The following KIAA1549 variants were observed in gnomAD, a reference collection of about 807,000 sequenced individuals.
KIAA1549 encodes UPF0606 protein KIAA1549.
A neutral mutation model predicts 156.4 loss-of-function variants in KIAA1549; 70 were observed. The observed-to-expected ratio is 0.45, with a 90% CI of 0.37 to 0.55. The LOEUF (loss-of-function observed/expected upper bound fraction) is 0.55. KIAA1549 is among the 20% of genes least tolerant of loss of function. The pLI, the probability that KIAA1549 is intolerant of heterozygous loss-of-function variation, is 0.00. For missense variants in KIAA1549, 2,428 were observed against 2,540.9 expected, an observed-to-expected ratio of 0.96 and a Z score of 0.96; for synonymous variants, 1,103 against 1,066.4, an observed-to-expected ratio of 1.03 and a Z score of -0.67.
intron 1 of KIAA1549, among the ~76,000 whole-genome samples, chr7:138,932,714 G>C (rs1466981762): frequency 1.3e-5 from 2 of 152,168 alleles, no homozygotes; most frequent in African/African-American, 4.8e-5. Context: ...CAAGAGTGTG[G>C]TCAGCGGATC....
intron 18 of KIAA1549, 137 bp from the exon 19 acceptor site, chr7:138,840,415 T>G: frequency 1.4e-6 from 1 of 719,300 alleles, no homozygotes. Context: ...TGGTACCAGT[T>G]CTATCTCCAG....
intron 1 of KIAA1549, among the ~76,000 whole-genome samples, chr7:138,948,533 A>G (rs753689677): frequency 6.6e-6 from 1 of 152,172 alleles, no homozygotes; most frequent in Non-Finnish European, 1.5e-5. Context: ...TAAGCCACCC[A>G]GTCTGTGGTA....
chr7:138,881,116 C>A (rs191723283), intron 11 of KIAA1549, among the ~76,000 whole-genome samples: 2 of 152,344 alleles, frequency 1.3e-5, no homozygotes, highest in East Asian at 3.9e-4. Flanking sequence ...AATCTCTAAT[C>A]AAGTCTGATG....
Position 138,958,119 on chromosome 7 carries a change from C to T in KIAA1549, c.187+22964G>A, listed in dbSNP as rs145933663. Reference sequence around the variant, plus strand: ...GACTGTTATCCTCTGGATACATGCACGTTAATGATTATGCGTGTGCCTGTG... The same window carrying T: ...GACTGTTATCCTCTGGATACATGCATGTTAATGATTATGCGTGTGCCTGTG... On this transcript the variant is annotated intron_variant, in intron 1 of 19. Transcript: ENST00000422774. Among the ~76,000 whole-genome samples, 578 of 152,320 alleles carry T rather than the reference C, an allele frequency of 3.8e-3. 5 individuals carry two copies. The highest frequency in any genetic ancestry group is 0.014 in the African/African-American group (563 of 41,560).
chr7:138,879,951 C>T (rs191390991), intron 11 of KIAA1549, among the ~76,000 whole-genome samples: 24 of 152,258 alleles, frequency 1.6e-4, no homozygotes, highest in Middle Eastern at 6.8e-3. Flanking sequence ...AAGGCCCAGC[C>T]CCTGGCCCCT....
rs971086551 is a variant in KIAA1549 at position 138,909,208 on chromosome 7, T to C, written c.3146-87A>G. ...AATCAAGAGAGAGAAACATCGTATC[T>C]AAATCAACCAATTCATCCATAGTAT... On this transcript the variant is annotated intron_variant, in intron 4 of 19. Coordinates refer to ENST00000422774, the MANE Select transcript of KIAA1549 (RefSeq NM_001164665.2). 1.3e-5 allele frequency: 17 copies of C among 1,340,538 alleles called. No homozygotes were observed. In the African/African-American group the frequency reaches 2.3e-4, roughly 18 times the overall value. 83.0% of individuals were successfully genotyped at this position (1,340,538 alleles called of 1,614,324 possible).
At chr7:138,937,108 G>T (rs140068721) in intron 1 of KIAA1549, among the ~76,000 whole-genome samples, 1 of 151,912 alleles carries the variant, frequency 6.6e-6, no homozygotes, top group South Asian at 2.1e-4. Context: ...CCCCGTTCCC[G>T]CCTGTGCCAT....
Position 138,916,848 on chromosome 7 carries a change from G to A in KIAA1549, c.2778C>T (p.Ala926=), listed in dbSNP as rs1307294362. 1.2e-6 allele frequency: 2 copies of A among 1,614,010 alleles called. No homozygotes were observed. The highest frequency in any genetic ancestry group is 3.3e-5 in the Admixed American group (2 of 60,024). The change falls in exon 2 of 20, where the codon GCC becomes GCT. Residue 926 remains alanine (A), a synonymous_variant. Transcript: ENST00000422774. ...PPLPSLRPVT[A]FTLEATVDTP... is the part of the protein sequence containing the mutation. Reference sequence around the variant, plus strand: ...TGTCGACTGTTGCTTCGAGAGTGAAGGCAGTCACGGGACGCAGGGATGGCA... The same window carrying A: ...TGTCGACTGTTGCTTCGAGAGTGAAAGCAGTCACGGGACGCAGGGATGGCA...
intron 2 of KIAA1549, 121 bp downstream of exon 2, chr7:138,916,627 G>GA: frequency 6.8e-7 from 1 of 1,465,698 alleles, no homozygotes; most frequent in Non-Finnish European, 9.1e-7. Flanking sequence ...TACTACCTGG[G>GA]AGTTAACTGA....
chr7:138,953,508 G>A (rs1247488603), intron 1 of KIAA1549, among the ~76,000 whole-genome samples: 2 of 151,846 alleles, frequency 1.3e-5, no homozygotes, highest in Admixed American at 6.6e-5. Flanking sequence ...ATAAAACACT[G>A]CCAGAAAAAT....
In KIAA1549 at chr7:138,881,462, G is replaced by A. The variant is rs770557711; in HGVS notation, c.4155C>T (p.Thr1385=). The A allele has an allele frequency of 9.9e-6, 16 of 1,613,886 alleles. No homozygotes were observed. The highest frequency in any genetic ancestry group is 1.4e-5 in the Non-Finnish European group (16 of 1,179,896). ...GCACGTCTCCATTTTCCGAGGGCGT[G>A]GTGTGGTCCTTCAGAGGTCCTGGCA... ...APLPGPLKDH[T]TPSENGDVPS... is the part of the protein sequence containing the mutation. The change falls in exon 11 of 20, where the codon ACC becomes ACT. Residue 1385 remains threonine, a synonymous_variant. Coordinates refer to ENST00000422774, the MANE Select transcript of KIAA1549 (RefSeq NM_001164665.2).
chr7:138,878,342 G>C (rs1811145579), intron 12 of KIAA1549, among the ~76,000 whole-genome samples: 1 of 152,250 alleles, frequency 6.6e-6, no homozygotes, highest in Admixed American at 6.5e-5. Flanking sequence ...AAGCGTGTCA[G>C]TGAGAGGAGA....
chr7:138,907,843 C>A (rs750644750), intron 5 of KIAA1549, among the ~76,000 whole-genome samples: 5 of 151,908 alleles, frequency 3.3e-5, no homozygotes, highest in Non-Finnish European at 4.4e-5. Context: ...CTGTGCACAC[C>A]GAAGAAGGAA....
In KIAA1549 at chr7:138,832,381, T is replaced by C. The variant is rs890904071; in HGVS notation, c.*5525A>G. 1.6e-5 allele frequency: 3 copies of C among 190,188 alleles called. No homozygotes were observed. The highest frequency in any genetic ancestry group is 3.3e-5 in the Non-Finnish European group (3 of 90,754). 11.8% of individuals were successfully genotyped at this position (190,188 alleles called of 1,614,324 possible). A position where few individuals can be genotyped will look rare whatever the true frequency, so the allele number is the denominator to read the frequency against. ...TCAGCTAATTTTTAAATTTTTTTTG[T>C]AGAGACGGGGTCTCGTTATGTTGCC... On this transcript the variant is annotated 3_prime_UTR_variant, in exon 20 of 20. Coordinates refer to ENST00000422774, the MANE Select transcript of KIAA1549 (RefSeq NM_001164665.2).
At position 138,861,316 on chromosome 7, in the gene KIAA1549, G is replaced by A; in HGVS notation, c.5070C>T (p.Leu1690=). The part of the protein sequence containing the change: ...IEEARQTMHS[L]LDDAFALVAP... ...CCACGAGGGCAAAGGCGTCGTCCAG[G>A]AGGGAGTGCATGGTCTGGCGTGCCT... The change falls in exon 16 of 20, where the codon CTC becomes CTT. Residue 1690 remains leucine (L), a synonymous_variant. Coordinates refer to ENST00000422774, the MANE Select transcript of KIAA1549 (RefSeq NM_001164665.2). 1 of 1,609,664 alleles carries A rather than the reference G, an allele frequency of 6.2e-7. No homozygotes were observed. The highest frequency in any genetic ancestry group is 8.5e-7 in the Non-Finnish European group (1 of 1,178,632).
At chr7:138,889,799 A>G (rs1390418860) in intron 10 of KIAA1549, among the ~76,000 whole-genome samples, 2 of 151,414 alleles carry the variant, frequency 1.3e-5, no homozygotes, top group African/African-American at 4.9e-5. Context: ...TGCACAAAAC[A>G]AAAGCCATCT....
rs141840985 is a variant in KIAA1549 at position 138,915,709 on chromosome 7, T to G, written c.2878+1039A>C. Among the ~76,000 whole-genome samples the G allele has an allele frequency of 5.3e-3, 800 of 152,230 alleles. 5 individuals carry two copies. Among genetic ancestry groups the G allele is most frequent in the African/African-American group, 0.018 (767 of 41,538 alleles). On this transcript the variant is annotated intron_variant, in intron 2 of 19. Transcript: ENST00000422774. Reference sequence around the variant, plus strand: ...CCACCCCACTCCTCCCTACCTCTTCTGCCGTTTTCGTCCCCTTTTTCATTT... The same window carrying G: ...CCACCCCACTCCTCCCTACCTCTTCGGCCGTTTTCGTCCCCTTTTTCATTT...
chr7:138,972,238 C>A (rs1295081393), intron 1 of KIAA1549, among the ~76,000 whole-genome samples: 1 of 152,148 alleles, frequency 6.6e-6, no homozygotes, highest in African/African-American at 2.4e-5. Flanking sequence ...CACCCCAAAG[C>A]CTTCCTCCAT....
chr7:138,975,145 A>T (rs1385771544), intron 1 of KIAA1549, among the ~76,000 whole-genome samples: 1 of 152,224 alleles, frequency 6.6e-6, no homozygotes, highest in African/African-American at 2.4e-5. Context: ...GCTAAGAGGC[A>T]GTGATGATGC....
Sources: allele counts gnomAD v4.1 joint callset (sites outside exome capture counted in the v4.1 genomes callset), GRCh38; gene constraint gnomAD v4.1.1; transcripts MANE v1.5; gene names NCBI Gene and HGNC (gene_info 2026-07-23, HGNC 2026-07-21).